Variants in ZNF184 observed in about 807,000 individuals in gnomAD.
ZNF184 encodes zinc finger protein 184 (Kruppel-like).
ZNF184 carries 16 observed loss-of-function variants against 54.4 expected under a neutral mutation model. The observed-to-expected ratio is 0.29, with a 90% CI of 0.20 to 0.45. ZNF184 has a LOEUF of 0.45. Ranked by LOEUF, ZNF184 falls within the 20% of genes least tolerant of loss-of-function variation. The pLI, the probability that ZNF184 is intolerant of heterozygous loss-of-function variation, is 1.00. For synonymous variants in ZNF184, 254 were observed against 295.3 expected, an observed-to-expected ratio of 0.86 and a Z score of 1.43; for missense variants, 681 against 888.2, an observed-to-expected ratio of 0.77 and a Z score of 2.97.
At chr6:27,417,477 C>T in the ZNF184 span, among the ~76,000 whole-genome samples, 2 of 152,058 alleles carry the variant, frequency 1.3e-5, no homozygotes, top group African/African-American at 4.8e-5. Flanking sequence ...AGACTGCCTC[C>T]CAAACTGGTG....
chr6:27,461,266 C>T (rs1308978327), intron 3 of ZNF184, among the ~76,000 whole-genome samples: 1 of 152,142 alleles, frequency 6.6e-6, no homozygotes, highest in Admixed American at 6.5e-5. Flanking sequence ...ATAATCATCA[C>T]AGAGGGAGGA....
At chr6:27,447,585 C>T (rs539694918), downstream of ZNF184, among the ~76,000 whole-genome samples, 14 of 151,624 alleles carry the variant, frequency 9.2e-5, no homozygotes, top group South Asian at 2.9e-3. Flanking sequence ...TGGTGGCAGG[C>T]GCCCGTAATC....
chr6:27,442,479 G>C, the ZNF184 span, among the ~76,000 whole-genome samples: 2 of 151,904 alleles, frequency 1.3e-5, no homozygotes, highest in African/African-American at 4.8e-5. Flanking sequence ...AAATTAGCCA[G>C]GCATGGTGGC....
At chr6:27,413,767 C>T in the ZNF184 span, among the ~76,000 whole-genome samples, 1 of 152,184 alleles carries the variant, frequency 6.6e-6, no homozygotes, top group African/African-American at 2.4e-5. Context: ...ACTTGACTTA[C>T]ATCTTCTGTT....
chr6:27,442,463 T>TA, the ZNF184 span, among the ~76,000 whole-genome samples: 8 of 151,180 alleles, frequency 5.3e-5, no homozygotes, highest in East Asian at 2.0e-4. Flanking sequence ...CTACAAAAAA[T>TA]AAAAAAAATT....
rs557958179 is a variant in ZNF184 at position 27,460,233 on chromosome 6, G to A, written c.76-2824C>T. On this transcript the variant is annotated intron_variant, in intron 3 of 5. Transcript: ENST00000683788. ...AAAGAATACTCAACCAAATACTATTGGTGGGACTGGGTAGTGGGACCTATA... is the reference window on the plus strand; with the variant it reads ...AAAGAATACTCAACCAAATACTATTAGTGGGACTGGGTAGTGGGACCTATA... 1.3e-4 allele frequency among the ~76,000 whole-genome samples: 20 copies of A among 152,256 alleles called. No homozygotes were observed. The South Asian group carries it at 1.9e-3, about 14-fold the overall frequency.
At chr6:27,438,775 T>C in the ZNF184 span, among the ~76,000 whole-genome samples, 17 of 152,194 alleles carry the variant, frequency 1.1e-4, no homozygotes, top group Admixed American at 2.0e-4. Context: ...TTAAATATAA[T>C]GTTAGTTATT....
chr6:27,438,015 CTT>C, the ZNF184 span, among the ~76,000 whole-genome samples: 3 of 152,198 alleles, frequency 2.0e-5, no homozygotes, highest in African/African-American at 7.2e-5. Flanking sequence ...ACTACAAACT[CTT>C]TGGGAATTCA....
At position 27,453,537 on chromosome 6, in the gene ZNF184, C is replaced by T. The variant is rs140264154; in HGVS notation, c.299-277G>A. Among the ~76,000 whole-genome samples, 1,128 of 152,220 alleles carry T rather than the reference C, an allele frequency of 7.4e-3. 17 individuals are homozygous for T. Among genetic ancestry groups the T allele is most frequent in the African/African-American group, 0.026 (1,074 of 41,546 alleles). ...AGGTAATAGTTGACTAAAAAGGTGA[C>T]AACAGAGATGGCTAAGAGTAGACAG... is the stretch of plus-strand genomic sequence containing the variant. On this transcript the variant is annotated intron_variant, in intron 5 of 5. Coordinates refer to ENST00000683788, the MANE Select transcript of ZNF184 (RefSeq NM_001318891.2). This position sits in a 1 kb window ranked among gnomAD's most constrained non-coding sequence, Gnocchi z 4.7.
chr6:27,445,383 C>A, the ZNF184 span, among the ~76,000 whole-genome samples: 1 of 152,280 alleles, frequency 6.6e-6, no homozygotes, highest in East Asian at 1.9e-4. Context: ...TGAATGTCTC[C>A]TCCAAAACTC....
chr6:27,418,950 CTATATTTTAAAA>C, the ZNF184 span, among the ~76,000 whole-genome samples: 1 of 151,854 alleles, frequency 6.6e-6, no homozygotes, highest in Non-Finnish European at 1.5e-5. Context: ...ATCTAGTGTC[CTATATTTTAAAA>C]TATATTTTAA....
chr6:27,464,656 G>T (rs1365545058), intron 3 of ZNF184, among the ~76,000 whole-genome samples: 1 of 152,118 alleles, frequency 6.6e-6, no homozygotes, highest in Non-Finnish European at 1.5e-5. Context: ...CACATTACAT[G>T]TAAGATCATA....
chr6:27,454,791 C>T (rs1762815516), intron 5 of ZNF184, among the ~76,000 whole-genome samples: 1 of 152,162 alleles, frequency 6.6e-6, no homozygotes, highest in African/African-American at 2.4e-5. Context: ...AAATACCATC[C>T]CTATTGCAGA....
the ZNF184 span, among the ~76,000 whole-genome samples, chr6:27,442,565 C>T: frequency 4.0e-5 from 6 of 151,816 alleles, no homozygotes; most frequent in Non-Finnish European, 7.4e-5. Context: ...AGGCTGCACT[C>T]CAGCCTGGGC....
Position 27,452,644 on chromosome 6 carries a change from T to G in ZNF184, c.915A>C (p.Pro305=). 1 of 1,613,778 alleles carries G rather than the reference T, an allele frequency of 6.2e-7. No individual in the cohort carries two copies. The highest frequency in any genetic ancestry group is 1.7e-5 in the Admixed American group (1 of 59,980). The change falls in exon 6 of 6, where the codon CCA becomes CCC. Residue 305 remains proline, a synonymous_variant. Coordinates refer to ENST00000683788, the MANE Select transcript of ZNF184 (RefSeq NM_001318891.2). This position sits in a 1 kb window ranked among gnomAD's most constrained non-coding sequence, Gnocchi z 5.5. The part of the protein sequence containing the change: ...QHQRIHTGEK[P]YKCDECGKAF... ...CTTTCCCACATTCATCACATTTATATGGTTTTTCTCCAGTATGAATTCTTT... is the reference window on the plus strand; with the variant it reads ...CTTTCCCACATTCATCACATTTATAGGGTTTTTCTCCAGTATGAATTCTTT...
At chr6:27,422,769 CA>C in the ZNF184 span, among the ~76,000 whole-genome samples, 4 of 151,844 alleles carry the variant, frequency 2.6e-5, no homozygotes, top group African/African-American at 9.6e-5. Context: ...CAGTATCGCC[CA>C]AACCCGATAC....
Position 27,451,703 on chromosome 6 carries a change from C to T in ZNF184, c.1856G>A (p.Cys619Tyr), listed in dbSNP as rs755572069. The T allele has an allele frequency of 1.2e-6, 2 of 1,613,918 alleles. No individual in the cohort carries two copies. Among genetic ancestry groups the T allele is most frequent in the Non-Finnish European group, 8.5e-7 (1 of 1,179,914 alleles). ...TGAACAATGTCGAAAGGCTTTACCA[C>T]ACTCAGCACACTCATAAGGCTTGGC... is the stretch of plus-strand genomic sequence containing the variant. ...TGAKPYECAECGKAFRHCSSL... is the reference protein window; with the variant it reads ...TGAKPYECAEYGKAFRHCSSL... The change falls in exon 6 of 6, where the codon TGT (cysteine) becomes TAT (tyrosine). Residue 619 changes from cysteine to tyrosine, a missense_variant. Transcript: ENST00000683788.
chr6:27,428,646 G>A, the ZNF184 span, among the ~76,000 whole-genome samples: 3 of 152,210 alleles, frequency 2.0e-5, no homozygotes, highest in Non-Finnish European at 4.4e-5. This position sits in a 1 kb window ranked among gnomAD's most constrained non-coding sequence, Gnocchi z 4.1. Context: ...AATTAGGTAT[G>A]TGAAACTAAA....
the ZNF184 span, among the ~76,000 whole-genome samples, chr6:27,424,237 G>A: frequency 2.3e-3 from 347 of 152,294 alleles, no homozygotes; most frequent in African/African-American, 7.8e-3. Flanking sequence ...CTGGTTTCAG[G>A]AATAACGCTG....
Sources: gnomAD v4.1 joint callset for allele counts (sites outside exome capture counted in the v4.1 genomes callset) on GRCh38, gnomAD v4.1.1 for gene constraint, Gnocchi (gnomAD v3.1) non-coding constraint, MANE v1.5 for transcripts, NCBI Gene and HGNC (gene_info 2026-07-23, HGNC 2026-07-21) for gene names.